Variants in CHST9 observed in about 807,000 individuals in gnomAD.
CHST9 encodes the protein carbohydrate sulfotransferase 9.
A neutral mutation model predicts 44.4 loss-of-function variants in CHST9; 41 were observed. That is an observed-to-expected ratio of 0.92 (90% CI 0.72 to 1.20). The LOEUF is 1.20. Among genes scored for constraint, CHST9 ranks in the 50% most tolerant of loss-of-function variants. The pLI is 0.00. For synonymous variants in CHST9, 171 were observed against 178.4 expected (o/e 0.96, Z 0.33); for missense variants, 504 against 516.5 (o/e 0.98, Z 0.23).
chr18:27,031,185 G>C (rs868868677), intron 3 of CHST9, among the ~76,000 whole-genome samples: 2 of 151,818 alleles, frequency 1.3e-5, no homozygotes, highest in African/African-American at 2.4e-5. Flanking sequence ...TGCAATCTTC[G>C]CTTTGACCTC....
At chr18:27,105,076 C>T (rs1285142028) in intron 2 of CHST9, among the ~76,000 whole-genome samples, 1 of 151,774 alleles carries the variant, frequency 6.6e-6, no homozygotes, top group Non-Finnish European at 1.5e-5. Flanking sequence ...TTTGTCCTTT[C>T]TTCTTTTTCT....
At chr18:27,141,140 C>G (rs2058561069) in intron 2 of CHST9, among the ~76,000 whole-genome samples, 1 of 152,028 alleles carries the variant, frequency 6.6e-6, no homozygotes, top group African/African-American at 2.4e-5. Context: ...GAGTGGATCA[C>G]GAGGTCAGGA....
At chr18:27,177,056 C>T (rs145349255) in intron 1 of CHST9, among the ~76,000 whole-genome samples, 8 of 152,104 alleles carry the variant, frequency 5.3e-5, no homozygotes, top group Admixed American at 5.2e-4. Flanking sequence ...TAGCTGAATG[C>T]CAGCCCTGCT....
chr18:26,998,333 C>A (rs191588012), intron 4 of CHST9, among the ~76,000 whole-genome samples: 2 of 152,190 alleles, frequency 1.3e-5, no homozygotes, highest in African/African-American at 4.8e-5. Flanking sequence ...AGACACTAAA[C>A]AGATATTTAA....
At chr18:27,033,620 T>C (rs1475428967) in intron 3 of CHST9, among the ~76,000 whole-genome samples, 2 of 152,224 alleles carry the variant, frequency 1.3e-5, no homozygotes, top group African/African-American at 4.8e-5. Flanking sequence ...TCAAGCTTTT[T>C]CTTTTGATCT....
intron 2 of CHST9, among the ~76,000 whole-genome samples, chr18:27,118,653 G>A (rs559710928): frequency 6.6e-6 from 1 of 152,208 alleles, no homozygotes; most frequent in Non-Finnish European, 1.5e-5. Context: ...TCTGCATTTG[G>A]CTCTGGAGAA....
intron 1 of CHST9, among the ~76,000 whole-genome samples, chr18:27,184,211 AT>A (rs2058936755): frequency 6.6e-6 from 1 of 152,146 alleles, no homozygotes; most frequent in Non-Finnish European, 1.5e-5. Context: ...TTCACTTGCC[AT>A]CGCTTTCAAA....
chr18:27,133,878 G>A (rs770000930), intron 2 of CHST9, among the ~76,000 whole-genome samples: 2 of 152,118 alleles, frequency 1.3e-5, no homozygotes, highest in Non-Finnish European at 2.9e-5. Context: ...GGGAAGACGA[G>A]GTGTGGCGCT....
rs16943019 is a variant in CHST9 at position 26,944,597 on chromosome 18, A to T, written c.203-231T>A. 0.15 allele frequency among the ~76,000 whole-genome samples: 22,847 copies of T among 152,196 alleles called. 1,943 individuals carry two copies. The highest frequency in any genetic ancestry group is 0.24 in the East Asian group (1,219 of 5,174). On this transcript the variant is annotated intron_variant, in intron 4 of 5. Transcript: ENST00000618847. ...ATAACAGAAAATGGAGTGGAAATCCAATAAGGGTGATACCAGCAGAATGTA... is the reference window on the plus strand; with the variant it reads ...ATAACAGAAAATGGAGTGGAAATCCTATAAGGGTGATACCAGCAGAATGTA...
intron 4 of CHST9, among the ~76,000 whole-genome samples, chr18:27,014,362 G>A (rs1337123976): frequency 2.7e-5 from 4 of 148,282 alleles, no homozygotes; most frequent in African/African-American, 9.9e-5. Context: ...GCTGAGGCAG[G>A]AGAATGGCGT....
chr18:27,133,500 A>G (rs1350348025), intron 2 of CHST9, among the ~76,000 whole-genome samples: 1 of 152,124 alleles, frequency 6.6e-6, no homozygotes, highest in Non-Finnish European at 1.5e-5. Context: ...CTGAGTGAAT[A>G]GGGTTGCTGG....
chr18:27,040,180 C>G (rs1486400548), intron 3 of CHST9, among the ~76,000 whole-genome samples: 12 of 152,040 alleles, frequency 7.9e-5, no homozygotes. Flanking sequence ...GCCAAGGACT[C>G]AAAATGTAAT....
intron 4 of CHST9, among the ~76,000 whole-genome samples, chr18:27,002,781 T>C (rs1276196920): frequency 6.6e-6 from 1 of 152,208 alleles, no homozygotes; most frequent in East Asian, 1.9e-4. Context: ...GCAAATATTC[T>C]ATCTTCCTAG....
chr18:26,919,118 C>A (rs1037573528), intron 5 of CHST9, among the ~76,000 whole-genome samples: 1 of 152,000 alleles, frequency 6.6e-6, no homozygotes, highest in Non-Finnish European at 1.5e-5. Flanking sequence ...ATGGGAAAAA[C>A]CCACCCCCAT....
Position 26,916,737 on chromosome 18 carries a change from C to A in CHST9, c.854G>T (p.Arg285Ile), listed in dbSNP as rs1304867798. ...KAVFVRDPME[R>I]LVSAFRDKFE... ...TTTGTCCCTAAAGGCTGATACTAATCTTTCCATGGGATCACGAACAAACAC... is the reference window on the plus strand; with the variant it reads ...TTTGTCCCTAAAGGCTGATACTAATATTTCCATGGGATCACGAACAAACAC... Residue 285 changes from arginine (R) to isoleucine (I), a missense_variant, in exon 6 of 6, where the codon AGA becomes ATA. Physicochemically the swap from Arg to Ile is moderately conservative, Grantham distance 97. Transcript: ENST00000618847. 1 of 1,613,910 alleles carries A rather than the reference C, an allele frequency of 6.2e-7. No individual in the cohort carries two copies. Among genetic ancestry groups the A allele is most frequent in the Admixed American group, 1.7e-5 (1 of 60,012 alleles).
At chr18:27,084,914 C>T (rs1312449603) in intron 2 of CHST9, among the ~76,000 whole-genome samples, 1 of 152,002 alleles carries the variant, frequency 6.6e-6, no homozygotes, top group African/African-American at 2.4e-5. Flanking sequence ...ACCCAAAAGT[C>T]AATCAGGAGC....
At chr18:27,161,445 T>C (rs894299534) in intron 1 of CHST9, among the ~76,000 whole-genome samples, 1 of 152,152 alleles carries the variant, frequency 6.6e-6, no homozygotes, top group Non-Finnish European at 1.5e-5. Context: ...GGATCCTGAG[T>C]TCTAGTTTGA....
chr18:26,927,849 T>A (rs2055800285), intron 5 of CHST9, among the ~76,000 whole-genome samples: 1 of 152,052 alleles, frequency 6.6e-6, no homozygotes. Context: ...GACGATCAGG[T>A]CTTTCCCTTC....
intron 4 of CHST9, among the ~76,000 whole-genome samples, chr18:26,951,709 C>G (rs1409336561): frequency 1.3e-5 from 2 of 152,130 alleles, no homozygotes; most frequent in Non-Finnish European, 2.9e-5. Context: ...ATAAATAAAG[C>G]ACATTCATGG....
Sources: allele counts gnomAD v4.1 joint callset (sites outside exome capture counted in the v4.1 genomes callset), GRCh38; gene constraint gnomAD v4.1.1; transcripts MANE v1.5; gene names NCBI Gene and HGNC (gene_info 2026-07-23, HGNC 2026-07-21).